NPAT: variants seen among roughly 807,000 people sequenced by gnomAD.
NPAT encodes nuclear protein, coactivator of histone transcription.
In NPAT, 52 loss-of-function variants were observed where a neutral mutation model predicts 130.7. The observed-to-expected ratio is 0.40, with a 90% CI of 0.32 to 0.50. NPAT has a LOEUF of 0.50. Ranked by LOEUF, NPAT falls within the 20% of genes least tolerant of loss-of-function variation. The pLI, the probability that NPAT is intolerant of heterozygous loss-of-function variation, is 0.68. For missense variants in NPAT, 1,687 were observed against 1,662.6 expected, an observed-to-expected ratio of 1.01 and a Z score of -0.26; for synonymous variants, 580 against 584.8, an observed-to-expected ratio of 0.99 and a Z score of 0.12.
In NPAT at chr11:108,159,018, T is replaced by C; in HGVS notation, c.4208A>G (p.Lys1403Arg). The C allele has an allele frequency of 6.2e-7, 1 of 1,601,922 alleles. No individual in the cohort carries two copies. Among genetic ancestry groups the C allele is most frequent in the Non-Finnish European group, 8.5e-7 (1 of 1,173,774 alleles). The change falls in exon 18 of 18, where the codon AAA (lysine) becomes AGA (arginine). Residue 1403 changes from lysine (K) to arginine (R), a missense_variant and splice_region_variant. By Grantham distance (26) the Lys-to-Arg change is conservative (BLOSUM62 2). Transcript: ENST00000278612. The part of the protein sequence containing the change: ...SIPMKKKKIK[K>R]KKLPSSFPAG... ...TGGAAATGAACTGGGAAGCTTCTTTTTCTGTTGAAAAAGAGAAAGAAAAAA... is the reference window on the plus strand; with the variant it reads ...TGGAAATGAACTGGGAAGCTTCTTTCTCTGTTGAAAAAGAGAAAGAAAAAA...
intron 1 of NPAT, among the ~76,000 whole-genome samples, chr11:108,205,842 A>C (rs2078320333): frequency 6.6e-6 from 1 of 152,160 alleles, no homozygotes; most frequent in African/African-American, 2.4e-5. Context: ...CAGGAGTTTG[A>C]GACCAACCTG....
rs1383157888 is a variant in NPAT at position 108,160,910 on chromosome 11, T to A, written c.4176A>T (p.Ser1392=). ...SRPSSKNLTN[S]SIPMKKKKIK... ...TTTTCTTCTTTTTCATTGGTATTGA[T>A]GAATTTGTAAGATTTTTACTAGAAG... Residue 1392 remains serine, a synonymous_variant, in exon 17 of 18, where the codon TCA becomes TCT. Coordinates refer to ENST00000278612, the MANE Select transcript of NPAT (RefSeq NM_002519.3). The A allele has an allele frequency of 1.2e-6, 2 of 1,614,064 alleles. No individual in the cohort carries two copies. Among genetic ancestry groups the A allele is most frequent in the South Asian group, 1.1e-5 (1 of 91,062 alleles).
intron 15 of NPAT, among the ~76,000 whole-genome samples, chr11:108,165,477 T>TC (rs2077893662): frequency 6.8e-6 from 1 of 147,178 alleles, no homozygotes; most frequent in Non-Finnish European, 1.5e-5. Flanking sequence ...TATATATTTT[T>TC]TTTTTGTGAT....
intron 12 of NPAT, among the ~76,000 whole-genome samples, chr11:108,174,589 T>C (rs1213432873): frequency 7.1e-6 from 1 of 141,224 alleles, no homozygotes; most frequent in African/African-American, 2.7e-5. Flanking sequence ...AAAAAGAGTA[T>C]GATATGAGTA....
intron 10 of NPAT, 59 bp downstream of exon 10, chr11:108,185,173 C>T (rs1412771702): frequency 1.8e-6 from 2 of 1,140,126 alleles, no homozygotes; most frequent in Non-Finnish European, 2.6e-6. Context: ...ACCAAAATTA[C>T]CATCAATCTT....
At chr11:108,195,800 A>C (rs917155288) in intron 2 of NPAT, among the ~76,000 whole-genome samples, 2 of 152,036 alleles carry the variant, frequency 1.3e-5, no homozygotes, top group Non-Finnish European at 2.9e-5. Flanking sequence ...ATTTTTAAAA[A>C]TTGTTTTCTA....
intron 1 of NPAT, among the ~76,000 whole-genome samples, chr11:108,221,996 T>C (rs2078512596): frequency 6.6e-6 from 1 of 152,162 alleles, no homozygotes; most frequent in Non-Finnish European, 1.5e-5. Context: ...GCGTGGAGGA[T>C]GGAGAAGGAA....
intron 17 of NPAT, among the ~76,000 whole-genome samples, chr11:108,159,859 AC>A (rs1565304156): frequency 1.3e-5 from 2 of 151,438 alleles, no homozygotes; most frequent in Non-Finnish European, 2.9e-5. Context: ...AAAAAAAAAA[AC>A]CAGAAAAAAT....
chr11:108,193,832 C>A, intron 3 of NPAT, 125 bp downstream of exon 3: 1 of 645,028 alleles, frequency 1.6e-6, no homozygotes, highest in Non-Finnish European at 2.8e-6. Context: ...TATCTCATTA[C>A]AACAGGGACA....
At chr11:108,211,768 G>T (rs2078385702) in intron 1 of NPAT, among the ~76,000 whole-genome samples, 1 of 152,160 alleles carries the variant, frequency 6.6e-6, no homozygotes, top group African/African-American at 2.4e-5. Context: ...GGGCAATATA[G>T]TGAGACCCCC....
At chr11:108,176,516 C>G (rs984380659) in intron 11 of NPAT, 142 bp from the exon 12 acceptor site, 4 of 662,058 alleles carry the variant, frequency 6.0e-6, no homozygotes, top group Non-Finnish European at 1.0e-5. Flanking sequence ...CTTTTAATAT[C>G]ATTTACAAGT....
At chr11:108,194,227 G>C (rs1011520433) in intron 2 of NPAT, among the ~76,000 whole-genome samples, 1 of 152,134 alleles carries the variant, frequency 6.6e-6, no homozygotes, top group South Asian at 2.1e-4. Context: ...TGTTTGACTA[G>C]GACATTATAG....
intron 10 of NPAT, among the ~76,000 whole-genome samples, chr11:108,178,471 T>C (rs2078030163): frequency 6.6e-6 from 1 of 152,182 alleles, no homozygotes; most frequent in South Asian, 2.1e-4. Context: ...ATTGCTAAGA[T>C]TCCCATACTA....
At position 108,175,333 on chromosome 11, in the gene NPAT, T is replaced by C. The variant is rs545352535; in HGVS notation, c.1132+913A>G. Among the ~76,000 whole-genome samples, 8 of 152,320 alleles carry C rather than the reference T, an allele frequency of 5.3e-5. No individual in the cohort carries two copies. In the East Asian group the frequency reaches 9.6e-4, roughly 18 times the overall value. ...CAATTTCAGGCACCCACTGGGGGGC[T>C]TGGAATATATCCCCCATAGATAAGG... On this transcript the variant is annotated intron_variant, in intron 12 of 17. Transcript: ENST00000278612.
chr11:108,199,073 A>C (rs1229889794), intron 1 of NPAT, among the ~76,000 whole-genome samples: 1 of 152,202 alleles, frequency 6.6e-6, no homozygotes, highest in East Asian at 1.9e-4. Context: ...GAGCTGTAAC[A>C]CAAACGAGCT....
chr11:108,179,000 C>T (rs2078034691), intron 10 of NPAT, among the ~76,000 whole-genome samples: 1 of 152,144 alleles, frequency 6.6e-6, no homozygotes, highest in African/African-American at 2.4e-5. Context: ...GTAACCAACA[C>T]GGTATGGTAC....
intron 10 of NPAT, among the ~76,000 whole-genome samples, chr11:108,183,922 C>T (rs192706406): frequency 9.9e-5 from 15 of 151,566 alleles, no homozygotes; most frequent in Admixed American, 8.5e-4. Context: ...TGCTGTGAGC[C>T]GTGATTGAGC....
chr11:108,208,491 G>T, intron 1 of NPAT: 1 of 455,720 alleles, frequency 2.2e-6, no homozygotes, highest in South Asian at 1.6e-5. Context: ...TGGAGGTGGA[G>T]GTGGGAGGAT....
chr11:108,212,132 C>G (rs556221957), intron 1 of NPAT, among the ~76,000 whole-genome samples: 1 of 151,514 alleles, frequency 6.6e-6, no homozygotes, highest in South Asian at 2.1e-4. Context: ...AAACCTTTCC[C>G]CATAAGATCA....
Sources: allele counts gnomAD v4.1 joint callset (sites outside exome capture counted in the v4.1 genomes callset), GRCh38; gene constraint gnomAD v4.1.1; transcripts MANE v1.5; gene names NCBI Gene and HGNC (gene_info 2026-07-23, HGNC 2026-07-21).